GOLGB1: variants seen among roughly 807,000 people sequenced by gnomAD.
The protein encoded by GOLGB1 is golgin B1, also known as golgin subfamily B member 1.
A neutral mutation model predicts 336.9 loss-of-function variants in GOLGB1; 174 were observed. The observed-to-expected ratio is 0.52, with a 90% CI of 0.46 to 0.59. GOLGB1 has a LOEUF of 0.59. GOLGB1 is among the 20% of genes least tolerant of loss of function. The pLI, the probability that GOLGB1 is intolerant of heterozygous loss-of-function variation, is 0.00. For missense variants in GOLGB1, 3,331 were observed against 3,645.3 expected (o/e 0.91, Z 2.22); for synonymous variants, 1,208 against 1,289.2 (o/e 0.94, Z 1.35).
Position 121,677,276 on chromosome 3 carries a change from A to G in GOLGB1, c.9039+9T>C. 1 of 1,580,384 alleles carries G rather than the reference A, an allele frequency of 6.3e-7. No homozygotes were observed. Among genetic ancestry groups the G allele is most frequent in the Non-Finnish European group, 8.7e-7 (1 of 1,155,714 alleles). ...TCTCTGAGTAACAATCAGCATTGAA[A>G]TTACTCACCTGTCTTTGGTATTGCA... On this transcript the variant is annotated intron_variant, in intron 16 of 21. Coordinates refer to ENST00000614479, the MANE Select transcript of GOLGB1 (RefSeq NM_001366282.2).
chr3:121,719,358 G>C (rs957316714), intron 7 of GOLGB1, among the ~76,000 whole-genome samples: 1 of 152,118 alleles, frequency 6.6e-6, no homozygotes, highest in African/African-American at 2.4e-5. Context: ...ATGCACAAAG[G>C]TAGCTATAAT....
At chr3:121,672,257 A>C (rs1051376560) in intron 17 of GOLGB1, among the ~76,000 whole-genome samples, 1 of 152,144 alleles carries the variant, frequency 6.6e-6, no homozygotes, top group African/African-American at 2.4e-5. Flanking sequence ...AGTGTATGGG[A>C]GTTCCCCCTT....
chr3:121,707,831 C>T (rs1244835914), intron 10 of GOLGB1, among the ~76,000 whole-genome samples: 1 of 152,118 alleles, frequency 6.6e-6, no homozygotes, highest in Non-Finnish European at 1.5e-5. Context: ...GTACCTGCAA[C>T]AAAGACTGTA....
intron 14 of GOLGB1, among the ~76,000 whole-genome samples, chr3:121,689,511 T>G (rs1942210359): frequency 6.6e-6 from 1 of 151,656 alleles, no homozygotes; most frequent in Non-Finnish European, 1.5e-5. Context: ...ACACAAACAC[T>G]GCGGAAGGCC....
intron 4 of GOLGB1, among the ~76,000 whole-genome samples, chr3:121,727,299 TATATATATATATATA>T (rs1945708935): frequency 4.2e-5 from 1 of 23,978 alleles, no homozygotes; most frequent in Non-Finnish European, 1.4e-4. Flanking sequence ...CACACATATA[TATATATATATATATA>T]TATATATTTT....
At chr3:121,738,738 C>T (rs374431610) in intron 1 of GOLGB1, among the ~76,000 whole-genome samples, 1 of 152,016 alleles carries the variant, frequency 6.6e-6, no homozygotes, top group Non-Finnish European at 1.5e-5. Context: ...GGGTCCCACA[C>T]TGAGGAGAAT....
intron 14 of GOLGB1, among the ~76,000 whole-genome samples, chr3:121,687,940 A>T (rs1576321350): frequency 3.3e-5 from 5 of 152,234 alleles, no homozygotes; most frequent in African/African-American, 1.2e-4. Flanking sequence ...CAAATTATTT[A>T]AAAAATATAA....
chr3:121,694,504 C>T lies in GOLGB1; in HGVS notation c.6019G>A (p.Gly2007Arg), dbSNP rs772023390. ...AGTTCCTTTGCATGGCTTTTATTTC[C>T]GGGTTCTTTCTGAGCACCTTGTATT... ...EKIQGAQKEP[G>R]NKSHAKELQE... is the part of the protein sequence containing the mutation. The change falls in exon 13 of 22, where the codon GGA becomes AGA. Residue 2007 changes from glycine (G) to arginine (R), a missense_variant. Transcript: ENST00000614479. 41 of 1,610,952 alleles carry T rather than the reference C, an allele frequency of 2.5e-5. No homozygotes were observed. Among genetic ancestry groups the T allele is most frequent in the East Asian group, 1.3e-4 (6 of 44,878 alleles).
In GOLGB1 at chr3:121,677,447, C is replaced by T. The variant is rs772258688; in HGVS notation, c.8877G>A (p.Met2959Ile). ...SWQHELHQLR[M>I]EKSSWEIHER... ...CATGTATTTCCCAGGAACTCTTCTC[C>T]ATCCTAGAAAAAACATGACACAATC... Residue 2959 changes from methionine to isoleucine, a missense_variant, in exon 16 of 22, where the codon ATG becomes ATA. Transcript: ENST00000614479. The T allele has an allele frequency of 1.9e-6, 3 of 1,604,296 alleles. No homozygotes were observed. Among genetic ancestry groups the T allele is most frequent in the Admixed American group, 3.3e-5 (2 of 59,832 alleles).
At chr3:121,748,021 A>C (rs928905857) in intron 1 of GOLGB1, among the ~76,000 whole-genome samples, 16 of 152,036 alleles carry the variant, frequency 1.1e-4, no homozygotes, top group African/African-American at 2.7e-4. Context: ...AACAAGGATA[A>C]AGTCAACATC....
Position 121,692,239 on chromosome 3 carries a change from G to C in GOLGB1, c.7125C>G (p.Thr2375=). 6.2e-7 allele frequency: 1 copy of C among 1,601,308 alleles called. No homozygotes were observed. The highest frequency in any genetic ancestry group is 8.5e-7 in the Non-Finnish European group (1 of 1,176,338). Residue 2375 remains threonine, a synonymous_variant, in exon 14 of 22, where the codon ACC becomes ACG. Transcript: ENST00000614479. ...ETDLQASREL[T]SRLHEEINMK... is the part of the protein sequence containing the mutation. The stretch of plus-strand genomic sequence containing the variant: ...TATTTATTTCTTCATGCAGCCTACT[G>C]GTCAGTTCTCTGGAGGCCTGAAGAT...
Position 121,691,254 on chromosome 3 carries a change from C to G in GOLGB1, c.8110G>C (p.Glu2704Gln). The change falls in exon 14 of 22, where the codon GAA becomes CAA. Residue 2704 changes from glutamate (E) to glutamine (Q), a missense_variant. Glu to Gln is a conservative substitution (Grantham distance 29). Transcript: ENST00000614479. ...HDAGIMRNETETAEERVAELA... is the reference protein window; with the variant it reads ...HDAGIMRNETQTAEERVAELA... ...TCTGCCACTCTCTCTTCTGCTGTTT[C>G]AGTTTCATTTCTCATTATCCCTGCA... is the stretch of plus-strand genomic sequence containing the variant. 3 of 1,613,974 alleles carry G rather than the reference C, an allele frequency of 1.9e-6. No homozygotes were observed. Among genetic ancestry groups the G allele is most frequent in the Non-Finnish European group, 2.5e-6 (3 of 1,179,998 alleles).
In GOLGB1 at chr3:121,719,718, T is replaced by C. The variant is rs552896492; in HGVS notation, c.699A>G (p.Thr233=). The change falls in exon 7 of 22, where the codon ACA becomes ACG. Residue 233 remains threonine (T), a synonymous_variant. Transcript: ENST00000614479. ...GCTCATCTTCATGAAGACGAACTTGTGTTTCAAAGCGGGCATCTTTCTCTC... is the reference window on the plus strand; with the variant it reads ...GCTCATCTTCATGAAGACGAACTTGCGTTTCAAAGCGGGCATCTTTCTCTC... ...VVREKDARFE[T]QVRLHEDELL... 6.2e-7 allele frequency: 1 copy of C among 1,610,562 alleles called. No individual in the cohort carries two copies. The highest frequency in any genetic ancestry group is 1.1e-5 in the South Asian group (1 of 90,670).
chr3:121,732,082 T>A (rs566620085), intron 1 of GOLGB1, among the ~76,000 whole-genome samples: 1 of 152,230 alleles, frequency 6.6e-6, no homozygotes, highest in South Asian at 2.1e-4. Flanking sequence ...AATGGGTCAG[T>A]TCACTGAAAG....
chr3:121,721,426 A>C (rs1945188581), intron 6 of GOLGB1, among the ~76,000 whole-genome samples: 1 of 152,126 alleles, frequency 6.6e-6, no homozygotes, highest in African/African-American at 2.4e-5. Flanking sequence ...CAGGAGTGCA[A>C]GGCCTGCCTG....
At chr3:121,748,243 G>A (rs1307290666) in intron 1 of GOLGB1, among the ~76,000 whole-genome samples, 1 of 152,122 alleles carries the variant, frequency 6.6e-6, no homozygotes, top group Admixed American at 6.5e-5. Context: ...GTGTGGACAA[G>A]GCTTTTTAAA....
chr3:121,687,624 C>T (rs1244511987), intron 14 of GOLGB1, among the ~76,000 whole-genome samples: 1 of 152,062 alleles, frequency 6.6e-6, no homozygotes, highest in African/African-American at 2.4e-5. Flanking sequence ...ATTACAGAAA[C>T]ACGAAAATAA....
intron 10 of GOLGB1, 86 bp from the exon 11 acceptor site, chr3:121,702,681 T>G: frequency 4.1e-6 from 2 of 489,294 alleles, no homozygotes; most frequent in Non-Finnish European, 7.2e-6. Context: ...CATTTTTGTC[T>G]TCTAGAAGTT....
At chr3:121,675,220 C>G (rs1474209882) in intron 17 of GOLGB1, among the ~76,000 whole-genome samples, 2 of 152,168 alleles carry the variant, frequency 1.3e-5, no homozygotes, top group Non-Finnish European at 2.9e-5. Flanking sequence ...GTTTCTCACA[C>G]TTTAAGTGGA....
Sources: allele counts gnomAD v4.1 joint callset (sites outside exome capture counted in the v4.1 genomes callset), GRCh38; gene constraint gnomAD v4.1.1; transcripts MANE v1.5; gene names NCBI Gene and HGNC (gene_info 2026-07-23, HGNC 2026-07-21).